The following CCDC30 variants were observed in gnomAD, a reference collection of about 807,000 sequenced individuals.
CCDC30 encodes the protein coiled-coil domain-containing protein 30.
A neutral mutation model predicts 100.2 loss-of-function variants in CCDC30; 70 were observed. The ratio of observed to expected loss-of-function variants is 0.70; its 90% confidence interval spans 0.58 to 0.85. The LOEUF (loss-of-function observed/expected upper bound fraction) is 0.85. Among genes scored for constraint, CCDC30 ranks in the 40% least tolerant of loss-of-function variants. CCDC30 has a pLI of 0.00. For synonymous variants in CCDC30, 233 were observed against 269.5 expected, an observed-to-expected ratio of 0.86 and a Z score of 1.33; for missense variants, 652 against 771.2, an observed-to-expected ratio of 0.85 and a Z score of 1.83.
At chr1:42,510,396 T>C (rs879710145) in intron 6 of CCDC30, among the ~76,000 whole-genome samples, 1 of 152,124 alleles carries the variant, frequency 6.6e-6, no homozygotes, top group Non-Finnish European at 1.5e-5. Flanking sequence ...TGGTGGCTCA[T>C]GCCTGTAATC....
intron 1 of CCDC30, among the ~76,000 whole-genome samples, chr1:42,474,885 C>T (rs1383690018): frequency 1.3e-5 from 2 of 152,084 alleles, no homozygotes; most frequent in Non-Finnish European, 2.9e-5. Flanking sequence ...TTTGTGAAGC[C>T]GTTATATTAA....
chr1:42,552,038 T>C (rs1280724664), intron 6 of CCDC30, among the ~76,000 whole-genome samples: 1 of 152,140 alleles, frequency 6.6e-6, no homozygotes, highest in Admixed American at 6.5e-5. Context: ...AGTGCTGGGA[T>C]TACAAGCATG....
At chr1:42,572,280 C>T (rs1328518196) in intron 7 of CCDC30, among the ~76,000 whole-genome samples, 1 of 152,112 alleles carries the variant, frequency 6.6e-6, no homozygotes, top group African/African-American at 2.4e-5. Flanking sequence ...GGTTGAGCAG[C>T]TTTTTATACA....
chr1:42,494,325 C>A (rs1481481417), intron 4 of CCDC30, among the ~76,000 whole-genome samples: 1 of 152,156 alleles, frequency 6.6e-6, no homozygotes, highest in Admixed American at 6.5e-5. Flanking sequence ...AAACTGGATT[C>A]CTTCCTTACA....
At chr1:42,480,682 T>G in intron 2 of CCDC30, 116 bp downstream of exon 2, 1 of 915,762 alleles carries the variant, frequency 1.1e-6, no homozygotes, top group Non-Finnish European at 1.3e-6. Flanking sequence ...CACCAGTCTC[T>G]ACAAAGAGAA....
At chr1:42,459,411 C>A, upstream of CCDC30, 1 of 601,532 alleles carries the variant, frequency 1.7e-6, no homozygotes, top group Non-Finnish European at 2.9e-6. Flanking sequence ...TCCACCCATC[C>A]TGGCCTTCCA....
chr1:42,652,427 A>G (rs1048418529), intron 15 of CCDC30, among the ~76,000 whole-genome samples: 2 of 152,236 alleles, frequency 1.3e-5, no homozygotes, highest in African/African-American at 4.8e-5. Context: ...ATCATTCCAT[A>G]TTATATATCA....
intron 15 of CCDC30, among the ~76,000 whole-genome samples, chr1:42,647,424 C>T (rs1647976518): frequency 6.6e-6 from 1 of 152,148 alleles, no homozygotes; most frequent in Admixed American, 6.5e-5. Flanking sequence ...AACACCAGAG[C>T]TCCCAAATAT....
intron 11 of CCDC30, among the ~76,000 whole-genome samples, chr1:42,630,361 T>TTGA (rs1557473043): frequency 6.6e-6 from 1 of 152,018 alleles, no homozygotes; most frequent in Non-Finnish European, 1.5e-5. Context: ...TCCTCTGCTT[T>TTGA]TGTATTTACT....
At chr1:42,562,713 C>A in intron 6 of CCDC30, among the ~76,000 whole-genome samples, 1 of 152,118 alleles carries the variant, frequency 6.6e-6, no homozygotes, top group East Asian at 1.9e-4. Context: ...ACCTATCTGA[C>A]AAAGGTCTAA....
At chr1:42,646,682 C>A (rs1647910540) in intron 15 of CCDC30, among the ~76,000 whole-genome samples, 2 of 152,226 alleles carry the variant, frequency 1.3e-5, no homozygotes, top group African/African-American at 4.8e-5. Context: ...AGCCTTCCCT[C>A]ACTGCCAGGA....
At chr1:42,485,572 T>C (rs1457583349) in intron 3 of CCDC30, among the ~76,000 whole-genome samples, 1 of 152,110 alleles carries the variant, frequency 6.6e-6, no homozygotes, top group Admixed American at 6.5e-5. Flanking sequence ...GGTGGAAGGA[T>C]AGCTTGAGCC....
chr1:42,597,671 G>A (rs1343848278), intron 10 of CCDC30, among the ~76,000 whole-genome samples: 3 of 152,004 alleles, frequency 2.0e-5, no homozygotes, highest in East Asian at 3.9e-4. Flanking sequence ...GTATGGTGGT[G>A]CACACCTGTG....
chr1:42,586,466 C>T (rs1398549300), intron 9 of CCDC30, among the ~76,000 whole-genome samples: 1 of 151,856 alleles, frequency 6.6e-6, no homozygotes, highest in Non-Finnish European at 1.5e-5. Context: ...CCAACATGCC[C>T]AGCTAATTAA....
At chr1:42,480,696 C>T (rs923335522) in intron 2 of CCDC30, 130 bp downstream of exon 2, 1 of 830,526 alleles carries the variant, frequency 1.2e-6, no homozygotes, top group Non-Finnish European at 1.5e-6. Flanking sequence ...AAGAGAACAT[C>T]AAGAACCTGT....
chr1:42,570,234 G>T (rs970838490), intron 7 of CCDC30, among the ~76,000 whole-genome samples: 3 of 152,004 alleles, frequency 2.0e-5, no homozygotes, highest in Non-Finnish European at 2.9e-5. Flanking sequence ...GCCAAGGCAG[G>T]AGGATTGCTT....
In CCDC30 at chr1:42,589,440, C is replaced by A; in HGVS notation, c.1121C>A (p.Ala374Asp). ...CAATCCAGAATTCAGCAACAAGAGG[C>A]CCTACTTAAACAACTGGAAAATGAA... The change falls in exon 10 of 17, where the codon GCC becomes GAC. Residue 374 changes from alanine to aspartate, a missense_variant. Coordinates refer to ENST00000668663, the Ensembl canonical transcript of CCDC30. 2.5e-6 allele frequency: 4 copies of A among 1,613,762 alleles called. No homozygotes were observed. In the South Asian group the frequency reaches 4.4e-5, roughly 18 times the overall value.
intron 6 of CCDC30, among the ~76,000 whole-genome samples, chr1:42,513,494 G>A (rs113538899): frequency 0.019 from 2,820 of 152,248 alleles, 105 homozygotes; most frequent in African/African-American, 0.064. Context: ...AGGGAAGATG[G>A]AGCCGCCATT....
intron 6 of CCDC30, among the ~76,000 whole-genome samples, chr1:42,533,057 A>G (rs1283889891): frequency 1.3e-5 from 2 of 152,216 alleles, no homozygotes; most frequent in African/African-American, 4.8e-5. Context: ...TTGCCCGGCC[A>G]AAAGCTTTTA....
Sources: gnomAD v4.1 joint callset for allele counts (sites outside exome capture counted in the v4.1 genomes callset) on GRCh38, gnomAD v4.1.1 for gene constraint, MANE v1.5 for transcripts, NCBI Gene and HGNC (gene_info 2026-07-23, HGNC 2026-07-21) for gene names.